Variants in BABAM2 observed in about 807,000 individuals in gnomAD.
BABAM2 encodes the protein BRISC and BRCA1-A complex member 2.
Under a neutral mutation model 54.7 loss-of-function variants are expected in BABAM2, and 31 were observed. The observed-to-expected ratio is 0.57, with a 90% CI of 0.43 to 0.77. BABAM2 has a LOEUF of 0.77. BABAM2 is among the 30% of genes least tolerant of loss of function. The pLI is 0.00. For synonymous variants in BABAM2, 167 were observed against 162.9 expected, an observed-to-expected ratio of 1.03 and a Z score of -0.19; for missense variants, 364 against 455.8, an observed-to-expected ratio of 0.80 and a Z score of 1.83.
intron 7 of BABAM2, among the ~76,000 whole-genome samples, chr2:28,209,205 TC>T (rs1679198257): frequency 6.6e-6 from 1 of 152,148 alleles, no homozygotes; most frequent in African/African-American, 2.4e-5. Context: ...GGAGTATGTG[TC>T]CATAGCGGAA....
At chr2:28,132,011 A>G (rs939570730) in intron 7 of BABAM2, among the ~76,000 whole-genome samples, 2 of 152,196 alleles carry the variant, frequency 1.3e-5, no homozygotes, top group African/African-American at 4.8e-5. Flanking sequence ...CTTGCTAATG[A>G]AATAGTCTCA....
At chr2:28,312,333 T>C (rs1314889612) in intron 11 of BABAM2, among the ~76,000 whole-genome samples, 1 of 152,218 alleles carries the variant, frequency 6.6e-6, no homozygotes, top group Admixed American at 6.5e-5. Flanking sequence ...GTAGAGGATT[T>C]ACAGAGGTGA....
At chr2:28,010,186 C>T (rs768859284) in intron 4 of BABAM2, among the ~76,000 whole-genome samples, 2 of 152,054 alleles carry the variant, frequency 1.3e-5, no homozygotes, top group Non-Finnish European at 2.9e-5. Context: ...TGATTACCCA[C>T]TGAATCAAAT....
At chr2:28,202,967 C>T (rs750645189) in intron 7 of BABAM2, among the ~76,000 whole-genome samples, 2 of 152,154 alleles carry the variant, frequency 1.3e-5, no homozygotes, top group Non-Finnish European at 2.9e-5. Flanking sequence ...TCCACCCCCC[C>T]ACAGAAAGAA....
chr2:28,325,835 C>T lies in BABAM2; in HGVS notation c.1089-12615C>T, dbSNP rs960623287. ...CTGTGGAAGCCATGAGCTCTGGCCT[C>T]TGGATGCTGAGATCTGGTGGAAGAA... On this transcript the variant is annotated intron_variant, in intron 11 of 11. Coordinates refer to ENST00000379624, the MANE Select transcript of BABAM2 (RefSeq NM_199191.3). This position sits in a 1 kb window ranked among gnomAD's most constrained non-coding sequence, Gnocchi z 4.3. Among the ~76,000 whole-genome samples, 1 of 152,224 alleles carries T rather than the reference C, an allele frequency of 6.6e-6. No individual in the cohort carries two copies. The highest frequency in any genetic ancestry group is 1.5e-5 in the Non-Finnish European group (1 of 68,044).
intron 7 of BABAM2, among the ~76,000 whole-genome samples, chr2:28,144,685 C>G (rs999618466): frequency 6.6e-6 from 1 of 152,188 alleles, no homozygotes; most frequent in Non-Finnish European, 1.5e-5. Context: ...GGACAAGAAT[C>G]ACAGACAAGA....
At chr2:27,991,942 C>A (rs911401951) in intron 4 of BABAM2, among the ~76,000 whole-genome samples, 1 of 152,132 alleles carries the variant, frequency 6.6e-6, no homozygotes, top group Non-Finnish European at 1.5e-5. Context: ...AAACTGTTTT[C>A]AAAAGTGGCT....
intron 5 of BABAM2, among the ~76,000 whole-genome samples, chr2:28,043,539 G>A (rs1677303302): frequency 6.6e-6 from 1 of 152,108 alleles, no homozygotes; most frequent in African/African-American, 2.4e-5. Flanking sequence ...ACTGGGCTAG[G>A]TGTCCCTTTT....
chr2:28,136,387 G>T (rs1272594924), intron 7 of BABAM2, among the ~76,000 whole-genome samples: 4 of 152,224 alleles, frequency 2.6e-5, no homozygotes, highest in Admixed American at 6.5e-5. Context: ...TTTTCCATCA[G>T]TTGAGGGCTG....
intron 7 of BABAM2, among the ~76,000 whole-genome samples, chr2:28,194,073 G>A (rs533466822): frequency 1.3e-4 from 20 of 152,116 alleles, no homozygotes; most frequent in Non-Finnish European, 2.5e-4. Flanking sequence ...TCAGAGAGCG[G>A]GCGGGAGTGT....
chr2:28,047,362 A>G (rs1677662597), intron 6 of BABAM2, among the ~76,000 whole-genome samples: 1 of 152,010 alleles, frequency 6.6e-6, no homozygotes, highest in African/African-American at 2.4e-5. Flanking sequence ...TCCAGTTAAA[A>G]CTCTCTTTCA....
Position 28,034,624 on chromosome 2 carries a change from G to A in BABAM2, c.495+9204G>A, listed in dbSNP as rs558652867. Among the ~76,000 whole-genome samples, 6 of 152,276 alleles carry A rather than the reference G, an allele frequency of 3.9e-5. No individual in the cohort carries two copies. In the South Asian group the frequency reaches 1.2e-3, roughly 32 times the overall value. On this transcript the variant is annotated intron_variant, in intron 5 of 11. Transcript: ENST00000379624. ...AAGGTAAAAGTGAAAATCAGAAAAA[G>A]AGAGTGTTGCTTATCTTACCAGGAG...
intron 3 of BABAM2, among the ~76,000 whole-genome samples, chr2:27,967,008 T>C (rs1670885028): frequency 6.6e-6 from 1 of 152,196 alleles, no homozygotes; most frequent in Non-Finnish European, 1.5e-5. Context: ...AGAGATATGA[T>C]TTTATAAAAT....
upstream of BABAM2, among the ~76,000 whole-genome samples, chr2:27,889,494 ATACAT>A (rs1318065890): frequency 6.6e-6 from 1 of 152,208 alleles, no homozygotes; most frequent in African/African-American, 2.4e-5. Context: ...TACAGTGAAC[ATACAT>A]TACTTTTGTA....
intron 6 of BABAM2, among the ~76,000 whole-genome samples, chr2:28,102,928 G>A (rs140892784): frequency 7.3e-4 from 111 of 152,218 alleles, no homozygotes; most frequent in Admixed American, 1.9e-3. Flanking sequence ...TTTTATATAG[G>A]AATCATGTAA....
chr2:28,117,578 C>T (rs1367535422), intron 6 of BABAM2, among the ~76,000 whole-genome samples: 1 of 152,174 alleles, frequency 6.6e-6, no homozygotes, highest in Non-Finnish European at 1.5e-5. Context: ...TGCACTTCTC[C>T]CAGCAGGTTG....
intron 7 of BABAM2, among the ~76,000 whole-genome samples, chr2:28,176,151 CA>C (rs1674919910): frequency 6.6e-6 from 1 of 152,092 alleles, no homozygotes; most frequent in Admixed American, 6.6e-5. Flanking sequence ...AACGTAAAGA[CA>C]CATGAAATGT....
rs70956008 is a variant in BABAM2, at chr2:28,258,615, CTT to C, written c.934+13768_934+13769del. On this transcript the variant is annotated intron_variant, in intron 10 of 11. Coordinates refer to ENST00000379624, the MANE Select transcript of BABAM2 (RefSeq NM_199191.3). ...CTTAAGTCTTTTTCTTTTTTCTTTT[CTT>C]TTTTTTTTTTTTTTGAGACAGGATG... Among the ~76,000 whole-genome samples the C allele has an allele frequency of 9.4e-3, 936 of 100,004 alleles. 14 individuals are homozygous for C. Among genetic ancestry groups the C allele is most frequent in the African/African-American group, 0.033 (888 of 26,886 alleles). 65.6% of individuals were successfully genotyped at this position (100,004 alleles called of 152,430 possible).
chr2:28,044,431 A>G (rs1304665850), intron 5 of BABAM2, among the ~76,000 whole-genome samples: 1 of 151,838 alleles, frequency 6.6e-6, no homozygotes, highest in African/African-American at 2.4e-5. Context: ...GGGTTTTACC[A>G]TGTTGGCCAG....
Sources: gnomAD v4.1 joint callset for allele counts (sites outside exome capture counted in the v4.1 genomes callset) on GRCh38, gnomAD v4.1.1 for gene constraint, Gnocchi (gnomAD v3.1) non-coding constraint, MANE v1.5 for transcripts, NCBI Gene and HGNC (gene_info 2026-07-23, HGNC 2026-07-21) for gene names.